STX8: variants seen among roughly 807,000 people sequenced by gnomAD.
The protein encoded by STX8 is syntaxin-8.
STX8 carries 23 observed loss-of-function variants against 37.5 expected under a neutral mutation model. The ratio of observed to expected loss-of-function variants is 0.61; its 90% CI spans 0.44 to 0.87. The LOEUF is 0.87. STX8 is among the 40% of genes least tolerant of loss of function. STX8 has a pLI of 0.00. For missense variants in STX8, 313 were observed against 284.7 expected (o/e 1.10, Z -0.71); for synonymous variants, 115 against 99.1 (o/e 1.16, Z -0.95).
In STX8 at chr17:9,424,498, T is replaced by G. The variant is rs149267965; in HGVS notation, c.542-45845A>C. On this transcript the variant is annotated intron_variant, in intron 6 of 7. Transcript: ENST00000306357. ...TCTGCCTGGGGCCTCGTGTTACACCTGCCTAAAGTGCAGCGCCTGGCCTTC... is the reference window on the plus strand; with the variant it reads ...TCTGCCTGGGGCCTCGTGTTACACCGGCCTAAAGTGCAGCGCCTGGCCTTC... 5.0e-3 allele frequency among the ~76,000 whole-genome samples: 767 copies of G among 152,238 alleles called. 6 individuals carry two copies. The highest frequency in any genetic ancestry group is 0.017 in the African/African-American group (721 of 41,550).
At chr17:9,320,730 TAAA>T (rs34009379) in intron 7 of STX8, among the ~76,000 whole-genome samples, 2 of 143,834 alleles carry the variant, frequency 1.4e-5, no homozygotes, top group African/African-American at 2.5e-5. Context: ...TCATCTCTAT[TAAA>T]AAAAAAAAAA....
At chr17:9,557,722 A>G (rs1462059944) in intron 2 of STX8, among the ~76,000 whole-genome samples, 194 bp from the exon 3 acceptor site, 1 of 152,152 alleles carries the variant, frequency 6.6e-6, no homozygotes, top group Admixed American at 6.5e-5. Flanking sequence ...GCCAACCTAC[A>G]GCTTGTACCC....
intron 6 of STX8, among the ~76,000 whole-genome samples, chr17:9,434,788 G>C (rs1313714672): frequency 1.3e-5 from 2 of 152,206 alleles, no homozygotes; most frequent in East Asian, 3.8e-4. Context: ...TTGGCTAGCT[G>C]TATTTATATC....
chr17:9,412,974 A>C (rs541861392), intron 6 of STX8, among the ~76,000 whole-genome samples: 1 of 152,356 alleles, frequency 6.6e-6, no homozygotes, highest in African/African-American at 2.4e-5. Flanking sequence ...AAGTTGCAAT[A>C]GGACAAAGGG....
At chr17:9,311,290 C>A (rs1909180576) in intron 7 of STX8, among the ~76,000 whole-genome samples, 1 of 151,426 alleles carries the variant, frequency 6.6e-6, no homozygotes, top group African/African-American at 2.4e-5. Flanking sequence ...AAAACCCATC[C>A]CCCTGGCTAT....
intron 6 of STX8, among the ~76,000 whole-genome samples, chr17:9,403,341 T>C (rs919544780): frequency 6.6e-6 from 1 of 152,182 alleles, no homozygotes; most frequent in African/African-American, 2.4e-5. Context: ...TAAAATCTAA[T>C]TGCAGTACAC....
intron 7 of STX8, among the ~76,000 whole-genome samples, chr17:9,317,327 C>T (rs929121804): frequency 6.6e-6 from 1 of 152,166 alleles, no homozygotes; most frequent in Admixed American, 6.6e-5. Flanking sequence ...ACCTGCCAAG[C>T]ACACCCTTGA....
chr17:9,411,165 A>T (rs1003179155), intron 6 of STX8, among the ~76,000 whole-genome samples: 1 of 152,194 alleles, frequency 6.6e-6, no homozygotes, highest in Admixed American at 6.5e-5. Flanking sequence ...ACTTAACAAT[A>T]TATCACTTCT....
At position 9,507,884 on chromosome 17, in the gene STX8, AT is replaced by A. The variant is rs1229112512; in HGVS notation, c.324-2723del. On this transcript the variant is annotated intron_variant, in intron 4 of 7. Transcript: ENST00000306357. The surrounding 1 kb of genome is among the most constrained non-coding windows in gnomAD (Gnocchi z 4.0). Reference sequence around the variant, plus strand: ...GCCCACCTGGAACCAAAGCCAATGCATCCCACTGAACCAACACCCCAAGATC... The same window carrying A: ...GCCCACCTGGAACCAAAGCCAATGCACCCACTGAACCAACACCCCAAGATC... 2.0e-5 allele frequency among the ~76,000 whole-genome samples: 3 copies of A among 152,150 alleles called. No homozygotes were observed. The highest frequency in any genetic ancestry group is 7.2e-5 in the African/African-American group (3 of 41,444).
intron 3 of STX8, chr17:9,556,792 TATACACATAC>T (rs1254532705): frequency 1.5e-3 from 36 of 23,304 alleles, no homozygotes; most frequent in Admixed American, 4.6e-3. Flanking sequence ...TATATATATA[TATACACATAC>T]ATATATATAT....
chr17:9,535,359 A>G (rs1404142969), intron 4 of STX8, among the ~76,000 whole-genome samples: 1 of 151,512 alleles, frequency 6.6e-6, no homozygotes, highest in Non-Finnish European at 1.5e-5. Context: ...CTACCCCGCT[A>G]GAAAATAACT....
At chr17:9,442,432 C>T (rs1904697021) in intron 6 of STX8, among the ~76,000 whole-genome samples, 1 of 152,188 alleles carries the variant, frequency 6.6e-6, no homozygotes, top group African/African-American at 2.4e-5. Context: ...GAGTCTCACT[C>T]TGTCACCCAG....
chr17:9,309,569 T>C (rs975912273), intron 7 of STX8, among the ~76,000 whole-genome samples: 3 of 152,182 alleles, frequency 2.0e-5, no homozygotes, highest in Non-Finnish European at 4.4e-5. Context: ...TGGCCCCTGA[T>C]AGTACACATT....
intron 7 of STX8, among the ~76,000 whole-genome samples, chr17:9,330,813 C>G (rs776219972): frequency 6.1e-4 from 93 of 152,340 alleles, no homozygotes; most frequent in Non-Finnish European, 4.0e-4. Flanking sequence ...GGGCCCCCTA[C>G]AGACAAAGCC....
chr17:9,286,291 G>A (rs1186308481), intron 7 of STX8, among the ~76,000 whole-genome samples: 3 of 152,130 alleles, frequency 2.0e-5, no homozygotes, highest in African/African-American at 4.8e-5. Context: ...CATACGTTTC[G>A]GCCCACACAC....
At chr17:9,481,227 C>G (rs1257119824) in intron 6 of STX8, among the ~76,000 whole-genome samples, 1 of 152,136 alleles carries the variant, frequency 6.6e-6, no homozygotes, top group African/African-American at 2.4e-5. Flanking sequence ...TAAAGTGCCT[C>G]ATGCCACCAG....
chr17:9,556,770 T>TATATATATATATACATAC (rs1567609008), intron 3 of STX8: 2 of 72,712 alleles, frequency 2.8e-5, no homozygotes, highest in African/African-American at 7.0e-5. Context: ...TATATATATA[T>TATATATATATATACATAC]ATATATATAT....
intron 7 of STX8, among the ~76,000 whole-genome samples, chr17:9,348,004 T>C (rs1312815132): frequency 1.3e-5 from 2 of 152,318 alleles, no homozygotes; most frequent in East Asian, 3.9e-4. Flanking sequence ...TATTCCATTG[T>C]ATGGTGTGTG....
intron 6 of STX8, among the ~76,000 whole-genome samples, chr17:9,448,795 C>T (rs946717953): frequency 1.3e-5 from 2 of 152,110 alleles, no homozygotes; most frequent in Non-Finnish European, 2.9e-5. Flanking sequence ...CTTTACAGAA[C>T]ATGAGCGCCA....
Sources: allele counts gnomAD v4.1 joint callset (sites outside exome capture counted in the v4.1 genomes callset), GRCh38; gene constraint gnomAD v4.1.1; non-coding constraint Gnocchi (gnomAD v3.1); transcripts MANE v1.5; gene names NCBI Gene and HGNC (gene_info 2026-07-23, HGNC 2026-07-21).